IFT57: variants seen among roughly 807,000 people sequenced by gnomAD.
IFT57 encodes intraflagellar transport 57, also known as intraflagellar transport protein 57 homolog.
In IFT57, 59 loss-of-function variants were observed where a neutral mutation model predicts 56.8. The ratio of observed to expected loss-of-function variants is 1.04; its 90% CI spans 0.84 to 1.29. The LOEUF (loss-of-function observed/expected upper bound fraction) is 1.29. IFT57 is among the 50% of genes most tolerant of loss of function. The pLI is 0.00. For missense variants in IFT57, 470 were observed against 522.1 expected, an observed-to-expected ratio of 0.90 and a Z score of 0.97; for synonymous variants, 209 against 186.1, an observed-to-expected ratio of 1.12 and a Z score of -1.00.
rs1135897 is a variant in IFT57, at chr3:108,218,561, C to T, written c.468G>A (p.Leu156=). 0.097 allele frequency: 150,305 copies of T among 1,548,298 alleles called. 7,621 individuals are homozygous for T. Among genetic ancestry groups the T allele is most frequent in the Non-Finnish European group, 0.1 (119,352 of 1,147,440 alleles). Residue 156 remains leucine (L), a synonymous_variant, in exon 3 of 11, where the codon TTG becomes TTA. Coordinates refer to ENST00000264538, the MANE Select transcript of IFT57 (RefSeq NM_018010.4). ...YVLDCFAEEA[L]KYIGFTWKRP... ...TTTTCCAGGTGAAACCAATATATTTCAATGCTTCTTCAGCGAAGCAATCAA... is the reference window on the plus strand; with the variant it reads ...TTTTCCAGGTGAAACCAATATATTTTAATGCTTCTTCAGCGAAGCAATCAA...
chr3:108,200,076 G>A (rs1283889438), intron 5 of IFT57, among the ~76,000 whole-genome samples: 1 of 152,158 alleles, frequency 6.6e-6, no homozygotes, highest in Non-Finnish European at 1.5e-5. Flanking sequence ...GGTCTTGAAA[G>A]CCAGATCAAA....
At chr3:108,217,290 G>C (rs1315013055) in intron 3 of IFT57, among the ~76,000 whole-genome samples, 1 of 152,022 alleles carries the variant, frequency 6.6e-6, no homozygotes, top group East Asian at 1.9e-4. Context: ...AAGATGTGTT[G>C]AGAAACAAAG....
chr3:108,171,831 A>T (rs751733249), intron 6 of IFT57, among the ~76,000 whole-genome samples: 1 of 151,872 alleles, frequency 6.6e-6, no homozygotes, highest in African/African-American at 2.4e-5. Flanking sequence ...GCCTGGTTCC[A>T]AAAAGAATTT....
intron 3 of IFT57, among the ~76,000 whole-genome samples, chr3:108,216,189 G>A (rs1393669809): frequency 5.3e-5 from 8 of 152,114 alleles, no homozygotes; most frequent in Admixed American, 5.2e-4. Flanking sequence ...CCCACAGAAT[G>A]GGAGAAAATA....
At chr3:108,209,480 G>C (rs1412868055) in intron 4 of IFT57, among the ~76,000 whole-genome samples, 1 of 152,148 alleles carries the variant, frequency 6.6e-6, no homozygotes, top group Non-Finnish European at 1.5e-5. Flanking sequence ...ACAAGGGGTC[G>C]ACTTTTGATG....
At chr3:108,175,998 A>C (rs2080122010) in intron 6 of IFT57, among the ~76,000 whole-genome samples, 1 of 151,876 alleles carries the variant, frequency 6.6e-6, no homozygotes, top group African/African-American at 2.4e-5. Context: ...CCCTGCAAAA[A>C]AGCAAGAGCA....
At chr3:108,211,559 G>A (rs2080342664) in intron 4 of IFT57, among the ~76,000 whole-genome samples, 1 of 152,230 alleles carries the variant, frequency 6.6e-6, no homozygotes, top group Non-Finnish European at 1.5e-5. Context: ...ATGCTACACA[G>A]TCAGGGCCTT....
At chr3:108,185,448 A>G (rs145046252) in intron 6 of IFT57, among the ~76,000 whole-genome samples, 2 of 152,128 alleles carry the variant, frequency 1.3e-5, no homozygotes, top group African/African-American at 2.4e-5. Flanking sequence ...TGGAGAAAAG[A>G]TATCTGCCTA....
chr3:108,180,971 C>A (rs541992452), intron 6 of IFT57, among the ~76,000 whole-genome samples: 21 of 152,096 alleles, frequency 1.4e-4, no homozygotes, highest in African/African-American at 4.6e-4. Context: ...GAGGCATTAG[C>A]AACTTCCCTC....
chr3:108,163,843 A>G (rs1402332652), intron 9 of IFT57, 114 bp from the exon 10 acceptor site: 1 of 647,056 alleles, frequency 1.5e-6, no homozygotes, highest in Non-Finnish European at 2.8e-6. Flanking sequence ...AGAAAAATAA[A>G]GATATTAGGA....
At chr3:108,218,438 A>C in intron 3 of IFT57, 97 bp downstream of exon 3, 1 of 519,130 alleles carries the variant, frequency 1.9e-6, no homozygotes, top group Non-Finnish European at 3.4e-6. Flanking sequence ...AATAGTCAAA[A>C]AGAATAATTC....
Position 108,218,655 on chromosome 3 carries a change from T to G in IFT57, c.376-2A>C. On this transcript the variant is annotated splice_acceptor_variant, in intron 2 of 10. Transcript: ENST00000264538. LOFTEE classifies it high-confidence loss of function. ...AGGAGGAAAATCTGCAGTTCTTCCC[T>G]GAAAAACAAAAGAAAAAACAGGGTA... 6.9e-7 allele frequency: 1 copy of G among 1,442,248 alleles called. No homozygotes were observed. Among genetic ancestry groups the G allele is most frequent in the South Asian group, 1.3e-5 (1 of 74,096 alleles). 89.3% of individuals were successfully genotyped at this position (1,442,248 alleles called of 1,614,324 possible).
intron 6 of IFT57, among the ~76,000 whole-genome samples, chr3:108,188,840 TC>T (rs2080199107): frequency 2.6e-5 from 4 of 152,264 alleles, no homozygotes; most frequent in African/African-American, 7.2e-5. Context: ...CTTAAGTTAC[TC>T]CTATTAATGC....
rs753603293 is a variant in IFT57, at chr3:108,191,494, T to A, written c.777+27A>T. 41 of 1,503,652 alleles carry A rather than the reference T, an allele frequency of 2.7e-5. No individual in the cohort carries two copies. The East Asian group carries it at 3.8e-4, about 14-fold the overall frequency. 93.1% of individuals were successfully genotyped at this position (1,503,652 alleles called of 1,614,324 possible). ...TTTCCTTATAACTTTTTTTTTTTTT[T>A]AAGAAAATGTGTTCCCACTTTGATA... On this transcript the variant is annotated intron_variant, in intron 6 of 10. Transcript: ENST00000264538.
intron 3 of IFT57, among the ~76,000 whole-genome samples, chr3:108,215,739 A>T (rs1004253325): frequency 2.0e-5 from 3 of 152,184 alleles, no homozygotes; most frequent in African/African-American, 7.2e-5. Context: ...ATTCATCTAT[A>T]TGTAACGTCT....
Position 108,222,146 on chromosome 3 carries a change from C to T in IFT57, c.177G>A (p.Glu59=), listed in dbSNP as rs774850413. The T allele has an allele frequency of 6.2e-7, 1 of 1,612,772 alleles. No homozygotes were observed. Among genetic ancestry groups the T allele is most frequent in the South Asian group, 1.1e-5 (1 of 90,844 alleles). ...EKLKLLRYEE[E]FLRKSNLKAP... The stretch of plus-strand genomic sequence containing the variant: ...CCTTCAGGTTGCTCTTCCGGAGGAA[C>T]TCCTCCTCGTAGCGGAGCAGCTTCA... The change falls in exon 1 of 11, where the codon GAG becomes GAA. Residue 59 remains glutamate (E), a synonymous_variant. Coordinates refer to ENST00000264538, the MANE Select transcript of IFT57 (RefSeq NM_018010.4).
At chr3:108,206,170 A>G (rs887457520) in intron 5 of IFT57, among the ~76,000 whole-genome samples, 1 of 146,330 alleles carries the variant, frequency 6.8e-6, no homozygotes, top group Non-Finnish European at 1.5e-5. Context: ...TTTATAGATT[A>G]GATTTATTTC....
chr3:108,212,877 A>C (rs2080350551), intron 4 of IFT57, among the ~76,000 whole-genome samples: 1 of 152,176 alleles, frequency 6.6e-6, no homozygotes, highest in Non-Finnish European at 1.5e-5. Context: ...CCCTTGAACA[A>C]CACGGGTTTG....
intron 5 of IFT57, among the ~76,000 whole-genome samples, chr3:108,202,082 T>C (rs1489774151): frequency 6.6e-6 from 1 of 152,228 alleles, no homozygotes; most frequent in Admixed American, 6.5e-5. Context: ...CAAGGAAGAA[T>C]AGTATCTATG....
Sources: gnomAD v4.1 joint callset for allele counts (sites outside exome capture counted in the v4.1 genomes callset) on GRCh38, gnomAD v4.1.1 for gene constraint, MANE v1.5 for transcripts, NCBI Gene and HGNC (gene_info 2026-07-23, HGNC 2026-07-21) for gene names.